Variants in PPARD observed in about 807,000 individuals in gnomAD.
PPARD encodes the protein peroxisome proliferator-activated receptor delta.
In PPARD, 6 loss-of-function variants were observed where a neutral mutation model predicts 39.5. The ratio of observed to expected loss-of-function variants is 0.15; its 90% CI spans 0.08 to 0.30. PPARD has a LOEUF of 0.30. Among genes scored for constraint, PPARD ranks in the 10% least tolerant of loss-of-function variants. The pLI is 1.00. For missense variants in PPARD, 397 were observed against 596.8 expected, an observed-to-expected ratio of 0.67 and a Z score of 3.49; for synonymous variants, 210 against 231.3, an observed-to-expected ratio of 0.91 and a Z score of 0.83.
At chr6:35,343,500 T>C (rs971840961) in intron 1 of PPARD, among the ~76,000 whole-genome samples, 1 of 151,790 alleles carries the variant, frequency 6.6e-6, no homozygotes, top group African/African-American at 2.4e-5. Flanking sequence ...TCTACTCTAC[T>C]TTCACTTGAC....
chr6:35,394,742 A>G (rs931288463), intron 2 of PPARD, among the ~76,000 whole-genome samples: 1 of 150,754 alleles, frequency 6.6e-6, no homozygotes, highest in Non-Finnish European at 1.5e-5. Context: ...CTGTACTCCA[A>G]CCTACGTGAC....
At chr6:35,398,375 G>C (rs1764478392) in intron 2 of PPARD, among the ~76,000 whole-genome samples, 1 of 152,184 alleles carries the variant, frequency 6.6e-6, no homozygotes, top group Non-Finnish European at 1.5e-5. Flanking sequence ...AAGATTCCTT[G>C]ACTCTAACTT....
At chr6:35,411,507 A>G (rs950259495) in intron 3 of PPARD, among the ~76,000 whole-genome samples, 11 of 152,200 alleles carry the variant, frequency 7.2e-5, no homozygotes, top group South Asian at 4.1e-4. Context: ...CATCTGTAAC[A>G]CATGTCATCA....
intron 2 of PPARD, among the ~76,000 whole-genome samples, chr6:35,349,227 G>A (rs1366827442): frequency 6.6e-6 from 1 of 151,556 alleles, no homozygotes; most frequent in Non-Finnish European, 1.5e-5. Context: ...GGGTTTCACC[G>A]TGTTAGCCAA....
chr6:35,360,365 T>C (rs1301375797), intron 2 of PPARD, among the ~76,000 whole-genome samples: 6 of 152,180 alleles, frequency 3.9e-5, no homozygotes, highest in African/African-American at 1.4e-4. Flanking sequence ...GAAATTGCCT[T>C]TATTCATGTT....
intron 2 of PPARD, among the ~76,000 whole-genome samples, chr6:35,350,356 C>G (rs1280914997): frequency 6.6e-6 from 1 of 152,140 alleles, no homozygotes; most frequent in East Asian, 1.9e-4. Context: ...AGATTTTCTC[C>G]TGTTTTCTTG....
chr6:35,347,655 CTG>C (rs1408861690), intron 2 of PPARD, among the ~76,000 whole-genome samples: 5 of 152,078 alleles, frequency 3.3e-5, no homozygotes, highest in African/African-American at 7.2e-5. Flanking sequence ...GTCCCCCAGA[CTG>C]GAGTGCAATG....
At chr6:35,378,017 C>A (rs1436650329) in intron 2 of PPARD, among the ~76,000 whole-genome samples, 1 of 152,000 alleles carries the variant, frequency 6.6e-6, no homozygotes, top group Non-Finnish European at 1.5e-5. Context: ...GCGTGCACCA[C>A]CATGCCCAGC....
intron 2 of PPARD, among the ~76,000 whole-genome samples, chr6:35,390,884 T>C (rs1418859579): frequency 6.6e-6 from 1 of 151,984 alleles, no homozygotes; most frequent in African/African-American, 2.4e-5. Flanking sequence ...TTAGCCAGCA[T>C]GGTGGCATGT....
Position 35,347,106 on chromosome 6 carries a change from A to C in PPARD, c.-146A>C. ...TTGGGCATGCACGTGATACTCACAC[A>C]GTGGCTTCTGCTCACCAACAGATGA... On this transcript the variant is annotated 5_prime_UTR_variant, in exon 2 of 8. Transcript: ENST00000360694. 1 of 1,536,144 alleles carries C rather than the reference A, an allele frequency of 6.5e-7. No individual in the cohort carries two copies. Among genetic ancestry groups the C allele is most frequent in the South Asian group, 1.2e-5 (1 of 84,066 alleles).
At position 35,427,475 on chromosome 6, in the gene PPARD, A is replaced by G. The variant is rs1224954279; in HGVS notation, c.*1396A>G. 2 of 152,474 alleles carry G rather than the reference A, an allele frequency of 1.3e-5. No individual in the cohort carries two copies. The highest frequency in any genetic ancestry group is 2.1e-4 in the South Asian group (1 of 4,842). 9.4% of individuals were successfully genotyped at this position (152,474 alleles called of 1,614,324 possible). The stretch of plus-strand genomic sequence containing the variant: ...TTCATTCTGATGTCCATTTGTCCCA[A>G]TAGCTCTACTGCCCTCCCCTTCCCC... On this transcript the variant is annotated 3_prime_UTR_variant, in exon 8 of 8. Transcript: ENST00000360694.
At chr6:35,378,267 A>G (rs1762934774) in intron 2 of PPARD, among the ~76,000 whole-genome samples, 1 of 152,034 alleles carries the variant, frequency 6.6e-6, no homozygotes, top group Non-Finnish European at 1.5e-5. Context: ...GTGGGCATTC[A>G]GTGTTGGTAG....
chr6:35,349,628 A>C (rs1468883587), intron 2 of PPARD, among the ~76,000 whole-genome samples: 4 of 151,204 alleles, frequency 2.6e-5, no homozygotes, highest in Non-Finnish European at 4.4e-5. Flanking sequence ...CCTCCCAAGT[A>C]GCTGGGACTA....
chr6:35,352,253 G>A (rs566652452), intron 2 of PPARD, among the ~76,000 whole-genome samples: 5 of 150,998 alleles, frequency 3.3e-5, no homozygotes, highest in East Asian at 2.0e-4. Context: ...GTGTGATCTC[G>A]GCTCACTGCA....
chr6:35,365,593 C>T (rs147215354), intron 2 of PPARD, among the ~76,000 whole-genome samples: 2,194 of 150,862 alleles, frequency 0.015, 81 homozygotes, highest in African/African-American at 0.037. Flanking sequence ...CTGGGTCAAG[C>T]GATTCTCCCG....
chr6:35,349,121 G>T, intron 2 of PPARD: 2 of 745,774 alleles, frequency 2.7e-6, no homozygotes, highest in Non-Finnish European at 3.3e-6. Context: ...TGCCTCCTGG[G>T]TTCACACCAT....
rs1020349883 is a variant in PPARD at position 35,375,984 on chromosome 6, C to A, written c.-102+28834C>A. Among the ~76,000 whole-genome samples, 6 of 152,098 alleles carry A rather than the reference C, an allele frequency of 3.9e-5. No homozygotes were observed. The East Asian group carries it at 1.2e-3, about 29-fold the overall frequency. ...TTAATCTTATTCAATTAATATATTT[C>A]TCTGTATATGTATATATGCTTTTGT... On this transcript the variant is annotated intron_variant, in intron 2 of 7. Coordinates refer to ENST00000360694, the MANE Select transcript of PPARD (RefSeq NM_006238.5).
Position 35,424,219 on chromosome 6 carries a change from G to A in PPARD, c.627+71G>A. 6.3e-7 allele frequency: 1 copy of A among 1,593,518 alleles called. No homozygotes were observed. Among genetic ancestry groups the A allele is most frequent in the African/African-American group, 1.3e-5 (1 of 74,522 alleles). ...TCCCACTGCCGCCTGCCTGACTCCG[G>A]GAGAGCCAGGCCTTCTCCCTCCCTC... On this transcript the variant is annotated intron_variant, in intron 6 of 7. Transcript: ENST00000360694. The surrounding 1 kb of genome is among the most constrained non-coding windows in gnomAD (Gnocchi z 7.1).
chr6:35,409,934 C>T (rs1370428386), intron 2 of PPARD, among the ~76,000 whole-genome samples: 1 of 152,170 alleles, frequency 6.6e-6, no homozygotes, highest in Non-Finnish European at 1.5e-5. Flanking sequence ...TTAAAAACTC[C>T]CCAGTGACTA....
Sources: gnomAD v4.1 joint callset for allele counts (sites outside exome capture counted in the v4.1 genomes callset) on GRCh38, gnomAD v4.1.1 for gene constraint, Gnocchi (gnomAD v3.1) non-coding constraint, MANE v1.5 for transcripts, NCBI Gene and HGNC (gene_info 2026-07-23, HGNC 2026-07-21) for gene names.